Variants in STAB1 observed in about 807,000 individuals in gnomAD.
The protein encoded by STAB1 is stabilin-1.
Under a neutral mutation model 332.4 loss-of-function variants are expected in STAB1, and 250 were observed. That is an observed-to-expected ratio of 0.75 (90% CI 0.68 to 0.84). The LOEUF (loss-of-function observed/expected upper bound fraction) is 0.84. Among genes scored for constraint, STAB1 ranks in the 40% least tolerant of loss-of-function variants. The pLI, the probability that STAB1 is intolerant of heterozygous loss-of-function variation, is 0.00. For synonymous variants in STAB1, 1,475 were observed against 1,390.4 expected, an observed-to-expected ratio of 1.06 and a Z score of -1.35; for missense variants, 3,249 against 3,489.7, an observed-to-expected ratio of 0.93 and a Z score of 1.74.
At chr3:52,523,362 C>A (rs368023320) in intron 64 of STAB1, 21 bp downstream of exon 64, 33 of 1,608,962 alleles carry the variant, frequency 2.1e-5, no homozygotes, top group Non-Finnish European at 2.7e-5. Flanking sequence ...AGGGTGTGGG[C>A]AGAGCAGAGC....
rs369963974 is a variant in STAB1 at position 52,506,076 on chromosome 3, C to G, written c.1750-94C>G. ...CTGCTATAGCACAGAGCCTAGGGAC[C>G]AAGGGGGTGGCTGTGAGCCTCCTGG... On this transcript the variant is annotated intron_variant, in intron 16 of 68. Transcript: ENST00000321725. The G allele has an allele frequency of 3.6e-5, 54 of 1,509,512 alleles. No homozygotes were observed. The South Asian group carries it at 3.6e-4, about 10-fold the overall frequency. The allele number at this position is 1,509,512 out of a possible 1,614,324, so 93.5% of individuals were successfully genotyped here.
intron 48 of STAB1, 132 bp from the exon 49 acceptor site, chr3:52,519,132 C>A: frequency 7.9e-7 from 1 of 1,260,454 alleles, no homozygotes; most frequent in Non-Finnish European, 1.1e-6. Flanking sequence ...CCGCCCACCT[C>A]GTCCTGGTCC....
Position 52,522,385 on chromosome 3 carries a change from T to C in STAB1, c.6521T>C (p.Leu2174Pro). The change falls in exon 60 of 69, where the codon CTG becomes CCG. Residue 2174 changes from leucine to proline, a missense_variant. Physicochemically the swap from Leu to Pro is moderately conservative, Grantham distance 98 (BLOSUM62 -3). Transcript: ENST00000321725. The stretch of plus-strand genomic sequence containing the variant: ...TACGTAGGCGATGGACTGCAGTGTC[T>C]GGAGGAGTCGGAACCACCTGTGGAC... Reference protein sequence around the residue: ...AGYVGDGLQCLEESEPPVDRC... With the variant: ...AGYVGDGLQCPEESEPPVDRC... 6.2e-7 allele frequency: 1 copy of C among 1,612,970 alleles called. No individual in the cohort carries two copies. The highest frequency in any genetic ancestry group is 8.5e-7 in the Non-Finnish European group (1 of 1,180,010).
At chr3:52,518,430 C>A in intron 46 of STAB1, 71 bp downstream of exon 46, 1 of 1,580,986 alleles carries the variant, frequency 6.3e-7, no homozygotes, top group South Asian at 1.1e-5. Flanking sequence ...CCCATCTGGT[C>A]AGGGGGTTGG....
Position 52,515,034 on chromosome 3 carries a change from T to C in STAB1, c.3853T>C (p.Phe1285Leu). ...CTRRFRCTQGFQLQDTPRKSC... is the reference protein window; with the variant it reads ...CTRRFRCTQGLQLQDTPRKSC... Reference sequence around the variant, plus strand: ...CAGGAGATTCCGCTGCACTCAGGGCTTCCAGCTGCAGGTGAGACTGGGCTT... The same window carrying C: ...CAGGAGATTCCGCTGCACTCAGGGCCTCCAGCTGCAGGTGAGACTGGGCTT... The change falls in exon 36 of 69, where the codon TTC becomes CTC. Residue 1285 changes from phenylalanine to leucine, a missense_variant. Coordinates refer to ENST00000321725, the MANE Select transcript of STAB1 (RefSeq NM_015136.3). The C allele has an allele frequency of 6.2e-7, 1 of 1,613,506 alleles. No individual in the cohort carries two copies. The highest frequency in any genetic ancestry group is 1.1e-5 in the South Asian group (1 of 91,086).
At chr3:52,515,334 A>G in intron 36 of STAB1, 89 bp from the exon 37 acceptor site, 2 of 1,282,434 alleles carry the variant, frequency 1.6e-6, no homozygotes, top group Non-Finnish European at 2.2e-6. Flanking sequence ...GCTGCCTGAC[A>G]CCTGTAGTCC....
intron 28 of STAB1, 53 bp downstream of exon 28, chr3:52,512,696 T>C: frequency 6.2e-7 from 1 of 1,612,966 alleles, no homozygotes; most frequent in South Asian, 1.1e-5. Context: ...GAGGCCTGCC[T>C]GGATGGAGGG....
intron 1 of STAB1, among the ~76,000 whole-genome samples, chr3:52,496,379 C>T (rs1372846203): frequency 6.6e-6 from 1 of 152,166 alleles, no homozygotes; most frequent in Non-Finnish European, 1.5e-5. Context: ...AACCACTATC[C>T]CCATGGCACA....
At chr3:52,511,820 C>T in intron 26 of STAB1, 75 bp downstream of exon 26, 2 of 1,210,792 alleles carry the variant, frequency 1.7e-6, no homozygotes, top group East Asian at 2.7e-5. Flanking sequence ...CTCCCTCCCT[C>T]CCCATCTCTG....
intron 50 of STAB1, 60 bp downstream of exon 50, chr3:52,519,624 G>A (rs2079005636): frequency 6.2e-7 from 1 of 1,603,008 alleles, no homozygotes; most frequent in Non-Finnish European, 8.5e-7. Context: ...GTGTGTGCAA[G>A]TGTGTATGCG....
chr3:52,523,969 C>G lies in STAB1; in HGVS notation c.7494C>G (p.Tyr2498Ter). ...ALLGLVAGAL[Y>*]LRARGKPMGF... ...TTGGCTTGGTGGCCGGAGCTCTCTACCTCCGTGCCCGAGGCAAGCCCATGG... is the reference window on the plus strand; with the variant it reads ...TTGGCTTGGTGGCCGGAGCTCTCTAGCTCCGTGCCCGAGGCAAGCCCATGG... Residue 2498 changes from tyrosine to a stop codon, truncating the protein, a stop_gained, in exon 67 of 69, where the codon TAC (tyrosine) becomes TAG (stop). Coordinates refer to ENST00000321725, the MANE Select transcript of STAB1 (RefSeq NM_015136.3). LOFTEE classifies it high-confidence loss of function. The G allele has an allele frequency of 6.2e-7, 1 of 1,611,756 alleles. No homozygotes were observed. The highest frequency in any genetic ancestry group is 8.5e-7 in the Non-Finnish European group (1 of 1,179,930).
rs145151033 is a variant in STAB1 at position 52,520,544 on chromosome 3, C to A, written c.5644C>A (p.Arg1882=). The A allele has an allele frequency of 2.1e-4, 345 of 1,611,202 alleles. No homozygotes were observed. The African/African-American group carries it at 3.8e-3, about 18-fold the overall frequency. ...RCDHFETRPL[R]LNTCSICGLE... is the part of the protein sequence containing the mutation. ...TGACCACTTTGAGACCCGGCCCCTGCGACTGGTGAGGGAGGCCAGAGGCAG... is the reference window on the plus strand; with the variant it reads ...TGACCACTTTGAGACCCGGCCCCTGAGACTGGTGAGGGAGGCCAGAGGCAG... Residue 1882 remains arginine (R), a synonymous_variant, in exon 53 of 69, where the codon CGA becomes AGA. Coordinates refer to ENST00000321725, the MANE Select transcript of STAB1 (RefSeq NM_015136.3).
rs777361304 is a variant in STAB1, at chr3:52,512,453, CTCGTTT to C, written c.2979+20_2979+25del. On this transcript the variant is annotated intron_variant, in intron 27 of 68. Coordinates refer to ENST00000321725, the MANE Select transcript of STAB1 (RefSeq NM_015136.3). ...ATCTTCCGGGTAAGGGGTGCTCAGA[CTCGTTT>C]TCTGTCTTCCCCGTGCTTGGGAAGG... is the stretch of plus-strand genomic sequence containing the variant. 231 of 1,609,966 alleles carry C rather than the reference CTCGTTT, an allele frequency of 1.4e-4. No individual in the cohort carries two copies. Among genetic ancestry groups the C allele is most frequent in the South Asian group, 4.4e-4 (40 of 90,940 alleles).
chr3:52,514,999 T>G lies in STAB1; in HGVS notation c.3818T>G (p.Val1273Gly). 1 of 1,613,562 alleles carries G rather than the reference T, an allele frequency of 6.2e-7. No homozygotes were observed. The highest frequency in any genetic ancestry group is 8.5e-7 in the Non-Finnish European group (1 of 1,180,006). ...CCTTTTTCCCTCTAGGAGAAATGTG[T>G]AAACTGCACCAGGAGATTCCGCTGC... ...SHAEALREKC[V>G]NCTRRFRCTQ... The change falls in exon 36 of 69, where the codon GTA (valine) becomes GGA (glycine). Residue 1273 changes from valine to glycine, a missense_variant. Val to Gly is a moderately radical substitution (Grantham distance 109, BLOSUM62 -3). Transcript: ENST00000321725.
At chr3:52,503,931 A>T (rs745821228) in intron 9 of STAB1, 29 bp downstream of exon 9, 11 of 1,598,542 alleles carry the variant, frequency 6.9e-6, no homozygotes, top group Non-Finnish European at 8.5e-6. Flanking sequence ...GAGCAGAGAC[A>T]GTGGGTTGGG....
intron 21 of STAB1, 45 bp from the exon 22 acceptor site, chr3:52,509,165 G>C (rs778832704): frequency 6.4e-7 from 1 of 1,560,952 alleles, no homozygotes; most frequent in Non-Finnish European, 8.8e-7. Flanking sequence ...GGGATGTAGA[G>C]AGTCCCTTTC....
At chr3:52,521,136 A>G in intron 55 of STAB1, 131 bp downstream of exon 55, 1 of 1,253,362 alleles carries the variant, frequency 8.0e-7, no homozygotes, top group Non-Finnish European at 1.1e-6. Context: ...AGTAGATTTT[A>G]CTAGCGGGAG....
Position 52,522,146 on chromosome 3 carries a change from C to T in STAB1, c.6381C>T (p.Gly2127=), listed in dbSNP as rs1366841514. ...CTCLPDYEGD[G]WSCRARNPCT... ...GCCTGCCCGACTACGAGGGTGATGG[C>T]TGGAGCTGCCGGGCCCGCAACCCCT... The change falls in exon 59 of 69, where the codon GGC becomes GGT. Residue 2127 remains glycine, a synonymous_variant. Coordinates refer to ENST00000321725, the MANE Select transcript of STAB1 (RefSeq NM_015136.3). The T allele has an allele frequency of 6.2e-7, 1 of 1,612,850 alleles. No individual in the cohort carries two copies. Among genetic ancestry groups the T allele is most frequent in the South Asian group, 1.1e-5 (1 of 91,088 alleles).
Position 52,522,481 on chromosome 3 carries a change from C to A in STAB1, c.6610+7C>A. ...ACTGACCTGCACTTCCAGGGTGTGT[C>A]CCCCTGCCCACTCCCAGTACCCATT... On this transcript the variant is annotated splice_region_variant and intron_variant, in intron 60 of 68. Transcript: ENST00000321725. The A allele has an allele frequency of 6.2e-7, 1 of 1,613,088 alleles. No individual in the cohort carries two copies. Among genetic ancestry groups the A allele is most frequent in the Non-Finnish European group, 8.5e-7 (1 of 1,179,986 alleles).
Sources: gnomAD v4.1 joint callset for allele counts (sites outside exome capture counted in the v4.1 genomes callset) on GRCh38, gnomAD v4.1.1 for gene constraint, MANE v1.5 for transcripts, NCBI Gene and HGNC (gene_info 2026-07-23, HGNC 2026-07-21) for gene names.